The following CCDC81 variants were observed in gnomAD, a reference collection of about 807,000 sequenced individuals.
CCDC81 encodes coiled-coil domain-containing protein 81.
CCDC81 carries 79 observed loss-of-function variants against 83.7 expected under a neutral mutation model. The observed-to-expected ratio is 0.94, with a 90% CI of 0.79 to 1.14. The LOEUF (loss-of-function observed/expected upper bound fraction) is 1.14. Ranked by LOEUF, CCDC81 falls within the 50% of genes most tolerant of loss-of-function variation. The pLI is 0.00. For synonymous variants in CCDC81, 252 were observed against 278.1 expected (o/e 0.91, Z 0.93); for missense variants, 791 against 778.1 (o/e 1.02, Z -0.20).
rs2138538472 is a variant in CCDC81, at chr11:86,414,243, A to G, written c.1392-546A>G. 2.6e-5 allele frequency: 4 copies of G among 152,184 alleles called. No homozygotes were observed. In the South Asian group the frequency reaches 8.3e-4, roughly 32 times the overall value. 9.4% of individuals were successfully genotyped at this position (152,184 alleles called of 1,614,324 possible). On this transcript the variant is annotated intron_variant, in intron 11 of 14. Transcript: ENST00000445632. ...TGTTTTAGTAGTAAGGCATTTGGAC[A>G]ATATGGTCGGTCACCTGCCTATACT...
chr11:86,405,478 ATCTTTACTG>A (rs1427190553), intron 7 of CCDC81, among the ~76,000 whole-genome samples: 1 of 152,158 alleles, frequency 6.6e-6, no homozygotes. Context: ...ATTTGAACCT[ATCTTTACTG>A]TCTTATTTTG....
chr11:86,421,369 G>A (rs1008848606), intron 14 of CCDC81, among the ~76,000 whole-genome samples: 14 of 152,144 alleles, frequency 9.2e-5, no homozygotes, highest in Admixed American at 7.2e-4. Context: ...GAGTGCAGTG[G>A]CGCGATCTCG....
At chr11:86,388,068 A>T (rs1277826464) in intron 3 of CCDC81, among the ~76,000 whole-genome samples, 2 of 152,226 alleles carry the variant, frequency 1.3e-5, no homozygotes, top group African/African-American at 2.4e-5. Context: ...CTGTCTTTCT[A>T]TCATATGTAT....
chr11:86,415,569 CTTTAGTG>C (rs1305057899), intron 13 of CCDC81, among the ~76,000 whole-genome samples: 4 of 152,180 alleles, frequency 2.6e-5, no homozygotes, highest in African/African-American at 9.7e-5. Flanking sequence ...TCTCTTGACA[CTTTAGTG>C]TTTTCCAAAG....
intron 1 of CCDC81, among the ~76,000 whole-genome samples, chr11:86,378,263 G>A (rs1020284195): frequency 6.6e-6 from 1 of 152,056 alleles, no homozygotes; most frequent in Non-Finnish European, 1.5e-5. Flanking sequence ...TAGTCCCCAT[G>A]TATTTTGGGA....
At chr11:86,411,988 G>T (rs1948648695) in intron 10 of CCDC81, among the ~76,000 whole-genome samples, 1 of 152,130 alleles carries the variant, frequency 6.6e-6, no homozygotes, top group African/African-American at 2.4e-5. Flanking sequence ...CCGAATTCTG[G>T]TTTTCCCATA....
intron 5 of CCDC81, among the ~76,000 whole-genome samples, chr11:86,397,145 G>C (rs1948420750): frequency 6.7e-6 from 1 of 148,338 alleles, no homozygotes; most frequent in Non-Finnish European, 1.5e-5. Flanking sequence ...TTGTAGCTTT[G>C]CAAGTCCTTC....
At position 86,418,878 on chromosome 11, in the gene CCDC81, CA is replaced by C. The variant is rs199752568; in HGVS notation, c.1692-1040del. Among the ~76,000 whole-genome samples the C allele has an allele frequency of 6.1e-4, 88 of 143,450 alleles. No individual in the cohort carries two copies. In the Middle Eastern group the frequency reaches 0.01, roughly 17 times the overall value. The allele number at this position is 143,450 out of a possible 152,430, so 94.1% of individuals were successfully genotyped here. A position where few individuals can be genotyped will look rare whatever the true frequency, so the allele number is the denominator to read the frequency against. On this transcript the variant is annotated intron_variant, in intron 13 of 14. Transcript: ENST00000445632. Reference sequence around the variant, plus strand: ...TTTTGTTATGTGTTTTTTTAAACCACAAAAAAAAAATCTACGAAAAGAAAAA... The same window carrying C: ...TTTTGTTATGTGTTTTTTTAAACCACAAAAAAAAATCTACGAAAAGAAAAA...
At chr11:86,386,143 T>C in intron 2 of CCDC81, 31 bp downstream of exon 2, 1 of 822,642 alleles carries the variant, frequency 1.2e-6, no homozygotes, top group Non-Finnish European at 1.7e-6. Flanking sequence ...AATTTATTAA[T>C]AAATTAATTT....
intron 7 of CCDC81, among the ~76,000 whole-genome samples, chr11:86,405,946 G>A (rs1388619203): frequency 6.6e-6 from 1 of 151,830 alleles, no homozygotes; most frequent in South Asian, 2.1e-4. Context: ...TATTTTTAGC[G>A]GAGACAGGGT....
intron 10 of CCDC81, among the ~76,000 whole-genome samples, chr11:86,411,512 G>A (rs866143784): frequency 2.0e-5 from 3 of 152,210 alleles, no homozygotes; most frequent in South Asian, 2.1e-4. Context: ...CAGGCTTGAT[G>A]AGTGCGAAGA....
chr11:86,412,876 G>C (rs1948666736), intron 11 of CCDC81, among the ~76,000 whole-genome samples: 1 of 152,204 alleles, frequency 6.6e-6, no homozygotes, highest in Admixed American at 6.5e-5. Flanking sequence ...TGAAGCCCCA[G>C]TGGGCATGTG....
intron 14 of CCDC81, among the ~76,000 whole-genome samples, chr11:86,421,355 G>C (rs1346223836): frequency 1.3e-5 from 2 of 151,960 alleles, no homozygotes; most frequent in African/African-American, 4.8e-5. Flanking sequence ...TGTCGCACAG[G>C]CTGGAGTGCA....
At chr11:86,376,990 G>T (rs945613556) in intron 1 of CCDC81, among the ~76,000 whole-genome samples, 1 of 152,030 alleles carries the variant, frequency 6.6e-6, no homozygotes, top group Non-Finnish European at 1.5e-5. Context: ...ATCTTTCCAC[G>T]GTCTTCATAG....
chr11:86,413,869 C>T (rs1052582460), intron 11 of CCDC81, among the ~76,000 whole-genome samples: 4 of 152,164 alleles, frequency 2.6e-5, no homozygotes, highest in African/African-American at 4.8e-5. Flanking sequence ...TGCTTACATA[C>T]ATATGCCTAA....
intron 7 of CCDC81, among the ~76,000 whole-genome samples, chr11:86,406,766 T>C (rs1315614960): frequency 2.6e-5 from 4 of 152,058 alleles, no homozygotes; most frequent in African/African-American, 9.7e-5. Flanking sequence ...GATTGCGCCA[T>C]TGCACTCCAG....
intron 4 of CCDC81, among the ~76,000 whole-genome samples, chr11:86,393,800 T>C (rs1047058515): frequency 7.9e-5 from 12 of 152,348 alleles, no homozygotes; most frequent in African/African-American, 2.9e-4. Flanking sequence ...GAATACTTAG[T>C]GTGCCTCAGG....
In CCDC81 at chr11:86,419,972, T is replaced by C. The variant is rs1948767996; in HGVS notation, c.1736T>C (p.Val579Ala). Residue 579 changes from valine to alanine, a missense_variant, in exon 14 of 15, where the codon GTC becomes GCC. Transcript: ENST00000445632. ...RTAELERVNRVNQCLQEDWER... is the reference protein window; with the variant it reads ...RTAELERVNRANQCLQEDWER... Reference sequence around the variant, plus strand: ...GCTGAGCTGGAGCGAGTAAATAGAGTCAACCAATGCTTACAGGAGGACTGG... The same window carrying C: ...GCTGAGCTGGAGCGAGTAAATAGAGCCAACCAATGCTTACAGGAGGACTGG... 5 of 1,613,424 alleles carry C rather than the reference T, an allele frequency of 3.1e-6. No individual in the cohort carries two copies. The highest frequency in any genetic ancestry group is 4.2e-6 in the Non-Finnish European group (5 of 1,179,784).
intron 13 of CCDC81, among the ~76,000 whole-genome samples, chr11:86,415,756 C>G (rs1252251728): frequency 6.6e-6 from 1 of 152,160 alleles, no homozygotes; most frequent in African/African-American, 2.4e-5. Context: ...TCACTGCAGC[C>G]TCAACATCCT....
Sources: allele counts gnomAD v4.1 joint callset (sites outside exome capture counted in the v4.1 genomes callset), GRCh38; gene constraint gnomAD v4.1.1; transcripts MANE v1.5; gene names NCBI Gene and HGNC (gene_info 2026-07-23, HGNC 2026-07-21).